Variants in MICAL3 observed in about 807,000 individuals in gnomAD.
MICAL3 encodes [F-actin]-monooxygenase MICAL3.
MICAL3 carries 62 observed loss-of-function variants against 207.4 expected under a neutral mutation model. The observed-to-expected ratio is 0.30, with a 90% CI of 0.24 to 0.37. The LOEUF (loss-of-function observed/expected upper bound fraction) is 0.37. Ranked by LOEUF, MICAL3 falls within the 10% of genes least tolerant of loss-of-function variation. The pLI is 1.00. For synonymous variants in MICAL3, 1,077 were observed against 1,069.3 expected, an observed-to-expected ratio of 1.01 and a Z score of -0.14; for missense variants, 2,368 against 2,635.6, an observed-to-expected ratio of 0.90 and a Z score of 2.22.
intron 22 of MICAL3, chr22:17,826,387 G>C: frequency 1.1e-6 from 1 of 887,400 alleles, no homozygotes; most frequent in Non-Finnish European, 1.4e-6. Flanking sequence ...CTAGTGTTAA[G>C]GTACCAGCAG....
chr22:17,849,200 A>T (rs1569093693), intron 19 of MICAL3, among the ~76,000 whole-genome samples: 1 of 152,356 alleles, frequency 6.6e-6, no homozygotes, highest in East Asian at 1.9e-4. Context: ...GGCCTTAAAC[A>T]TCACAAATCC....
At chr22:17,968,053 A>G (rs1343229268) in intron 1 of MICAL3, among the ~76,000 whole-genome samples, 2 of 150,212 alleles carry the variant, frequency 1.3e-5, no homozygotes, top group East Asian at 3.9e-4. Flanking sequence ...AAAAAAAAAA[A>G]GAGTAAAATT....
chr22:18,015,654 T>C (rs574982083), intron 1 of MICAL3, among the ~76,000 whole-genome samples: 1 of 152,222 alleles, frequency 6.6e-6, no homozygotes, highest in East Asian at 1.9e-4. Context: ...TCAGGTGATC[T>C]GCCTGTCATG....
intron 21 of MICAL3, among the ~76,000 whole-genome samples, chr22:17,830,514 C>T (rs918302853): frequency 6.6e-6 from 1 of 152,218 alleles, no homozygotes; most frequent in African/African-American, 2.4e-5. Context: ...GAGTGATCAT[C>T]ATCAGATGGA....
chr22:17,960,664 G>A (rs998534065), intron 1 of MICAL3, among the ~76,000 whole-genome samples: 3 of 152,180 alleles, frequency 2.0e-5, no homozygotes, highest in South Asian at 4.2e-4. Flanking sequence ...GTCCCCGTCC[G>A]CTTAGGGAAG....
chr22:17,822,390 T>TCA, intron 23 of MICAL3, among the ~76,000 whole-genome samples: 1 of 152,318 alleles, frequency 6.6e-6, no homozygotes, highest in Non-Finnish European at 1.5e-5. Context: ...CGGGGCCGCA[T>TCA]CAAAGCCTGT....
At chr22:17,924,367 T>A (rs772922172) in intron 1 of MICAL3, among the ~76,000 whole-genome samples, 2 of 152,168 alleles carry the variant, frequency 1.3e-5, no homozygotes, top group African/African-American at 4.8e-5. Context: ...AGATTAAATA[T>A]ACCGCCTTGA....
At position 17,831,455 on chromosome 22, in the gene MICAL3, C is replaced by T. The variant is rs143666496; in HGVS notation, c.3055+399G>A. Among the ~76,000 whole-genome samples, 14 of 152,338 alleles carry T rather than the reference C, an allele frequency of 9.2e-5. No individual in the cohort carries two copies. In the East Asian group the frequency reaches 2.7e-3, roughly 29 times the overall value. ...CAGTGGGCACTAAGCTCATAGCCACCTCCGAAACCCTAGACTAGGATCAGG... is the reference window on the plus strand; with the variant it reads ...CAGTGGGCACTAAGCTCATAGCCACTTCCGAAACCCTAGACTAGGATCAGG... On this transcript the variant is annotated intron_variant, in intron 21 of 31. Coordinates refer to ENST00000441493, the MANE Select transcript of MICAL3 (RefSeq NM_015241.3).
rs537394550 is a variant in MICAL3, at chr22:17,810,283, T to C, written c.5556+420A>G. 4.3e-3 allele frequency among the ~76,000 whole-genome samples: 659 copies of C among 152,212 alleles called. 4 individuals are homozygous for C. Among genetic ancestry groups the C allele is most frequent in the African/African-American group, 0.015 (608 of 41,518 alleles). The stretch of plus-strand genomic sequence containing the variant: ...TTTCACCGTGTTAGCCAGGATGGTC[T>C]CAATCTCCTGACCTTGTGATCCGCC... On this transcript the variant is annotated intron_variant, in intron 28 of 31. Transcript: ENST00000441493.
rs1442672934 is a variant in MICAL3, at chr22:17,893,673, C to A, written c.1546+135G>T. The A allele has an allele frequency of 4.6e-6, 3 of 656,212 alleles. No homozygotes were observed. In the East Asian group the frequency reaches 8.2e-5, roughly 18 times the overall value. The allele number at this position is 656,212 out of a possible 1,614,324, so 40.6% of individuals were successfully genotyped here. A position where few individuals can be genotyped will look rare whatever the true frequency, so the allele number is the denominator to read the frequency against. On this transcript the variant is annotated intron_variant, in intron 11 of 31. Transcript: ENST00000441493. ...CCAAGTATCCCCTGGAGGGCAAAAT[C>A]ACCCTGGGTTGAGAGCCACTGTCTC...
intron 20 of MICAL3, among the ~76,000 whole-genome samples, chr22:17,838,288 G>A (rs531537519): frequency 6.6e-6 from 1 of 152,204 alleles, no homozygotes; most frequent in Admixed American, 6.5e-5. Context: ...CCAACGTGTT[G>A]TGCTTTCATC....
chr22:17,824,632 A>G (rs1265771910), intron 22 of MICAL3, among the ~76,000 whole-genome samples: 2 of 152,200 alleles, frequency 1.3e-5, no homozygotes, highest in Non-Finnish European at 2.9e-5. Flanking sequence ...CGTCACAGGG[A>G]GAGATAGGCG....
intron 1 of MICAL3, among the ~76,000 whole-genome samples, chr22:18,012,412 G>A (rs903686820): frequency 6.6e-6 from 1 of 152,186 alleles, no homozygotes; most frequent in Admixed American, 6.5e-5. Context: ...CTCATGGGGA[G>A]GGACCCTCTT....
intron 1 of MICAL3, among the ~76,000 whole-genome samples, chr22:18,000,937 AAGACAG>A (rs1389445339): frequency 6.6e-6 from 1 of 152,028 alleles, no homozygotes; most frequent in Non-Finnish European, 1.5e-5. Flanking sequence ...GACTCCGGTA[AAGACAG>A]AGACCTCCCC....
At chr22:17,949,187 G>A (rs1202472168) in intron 1 of MICAL3, among the ~76,000 whole-genome samples, 1 of 152,252 alleles carries the variant, frequency 6.6e-6, no homozygotes, top group African/African-American at 2.4e-5. Context: ...TCAAGCCTGG[G>A]TGACAGAGTG....
intron 16 of MICAL3, chr22:17,875,075 A>C (rs1928147417): frequency 6.4e-6 from 1 of 155,974 alleles, no homozygotes; most frequent in South Asian, 2.0e-4. Context: ...AGGTGATTTA[A>C]TTACATTGTG....
chr22:18,008,111 C>G (rs1235787584), intron 1 of MICAL3, among the ~76,000 whole-genome samples: 4 of 150,676 alleles, frequency 2.7e-5, no homozygotes, highest in Non-Finnish European at 5.9e-5. Context: ...TGGTGGCAGC[C>G]TGCCTGTGAT....
chr22:17,872,809 G>C, intron 16 of MICAL3: 7 of 1,613,622 alleles, frequency 4.3e-6, no homozygotes, highest in Non-Finnish European at 5.9e-6. Flanking sequence ...TTGGCTATCT[G>C]CTCAGCCAAT....
At chr22:17,829,371 G>A (rs1013840604) in intron 21 of MICAL3, among the ~76,000 whole-genome samples, 21 of 152,216 alleles carry the variant, frequency 1.4e-4, no homozygotes, top group African/African-American at 4.8e-4. Flanking sequence ...GTTTCTCCAT[G>A]TTGGTCAGAC....
Sources: allele counts gnomAD v4.1 joint callset (sites outside exome capture counted in the v4.1 genomes callset), GRCh38; gene constraint gnomAD v4.1.1; transcripts MANE v1.5; gene names NCBI Gene and HGNC (gene_info 2026-07-23, HGNC 2026-07-21).